The following MILR1 variants were observed in gnomAD, a reference collection of about 807,000 sequenced individuals.
The protein encoded by MILR1 is mast cell immunoglobulin like receptor 1.
Under a neutral mutation model 18.5 loss-of-function variants are expected in MILR1, and 31 were observed. That is an observed-to-expected ratio of 1.68 (90% CI 1.26 to 2.26). The LOEUF (loss-of-function observed/expected upper bound fraction) is 2.26. MILR1 is among the 30% of genes most tolerant of loss of function. The pLI is 0.00. For synonymous variants in MILR1, 85 were observed against 56.2 expected (o/e 1.51, Z -2.30); for missense variants, 257 against 157.4 (o/e 1.63, Z -3.38).
At chr17:64,481,627 C>T in the MILR1 span, among the ~76,000 whole-genome samples, 29 of 152,174 alleles carry the variant, frequency 1.9e-4, no homozygotes, top group African/African-American at 3.9e-4. Context: ...AATCCCAGCA[C>T]GTTGGGAGGC....
At chr17:64,468,862 A>G (rs2037640782), downstream of MILR1, among the ~76,000 whole-genome samples, 1 of 151,920 alleles carries the variant, frequency 6.6e-6, no homozygotes, top group Non-Finnish European at 1.5e-5. Context: ...AGGTGGGTGG[A>G]TCACTTCAGG....
At position 64,452,724 on chromosome 17, in the gene MILR1, C is replaced by T. The variant is rs1316400764; in HGVS notation, c.225C>T (p.His75=). The part of the protein sequence containing the change: ...ITYSLFRRKT[H]LGTQDGKGEP... ...ATTCATTGTTTCGACGTAAGACACA[C>T]CTGGGAACCCAGGATGGAAAAGGTG... is the stretch of plus-strand genomic sequence containing the variant. The change falls in exon 3 of 10, where the codon CAC becomes CAT. Residue 75 remains histidine (H), a synonymous_variant. Transcript: ENST00000619286. 3 of 475,152 alleles carry T rather than the reference C, an allele frequency of 6.3e-6. No homozygotes were observed. Among genetic ancestry groups the T allele is most frequent in the Non-Finnish European group, 1.2e-5 (3 of 259,026 alleles). 29.4% of individuals were successfully genotyped at this position (475,152 alleles called of 1,614,324 possible).
At chr17:64,482,876 C>T in the MILR1 span, 2 of 1,135,804 alleles carry the variant, frequency 1.8e-6, no homozygotes, top group East Asian at 2.3e-5. Context: ...TTGGATAATA[C>T]TCAATCTGTA....
intron 3 of MILR1, among the ~76,000 whole-genome samples, chr17:64,455,504 A>G (rs2037272520): frequency 2.0e-5 from 3 of 151,946 alleles, no homozygotes. Flanking sequence ...CTCAGGCTGG[A>G]GTGCAGTGGC....
the MILR1 span, chr17:64,496,376 C>T: frequency 1.3e-5 from 19 of 1,452,084 alleles, no homozygotes; most frequent in Non-Finnish European, 1.8e-5. Flanking sequence ...CACCCGACAC[C>T]TGTTTTGAAG....
chr17:64,477,905 T>A, the MILR1 span: 1 of 1,613,828 alleles, frequency 6.2e-7, no homozygotes, highest in Non-Finnish European at 8.5e-7. Context: ...CATTGTGGTG[T>A]CTCTGCTTCT....
At chr17:64,461,117 G>A (rs993703339) in intron 5 of MILR1, among the ~76,000 whole-genome samples, 185 bp downstream of exon 5, 37 of 152,172 alleles carry the variant, frequency 2.4e-4, no homozygotes, top group Non-Finnish European at 4.1e-4. Flanking sequence ...TCATGCAGAG[G>A]GTAATTCTTT....
chr17:64,485,869 C>G, the MILR1 span: 3 of 1,613,974 alleles, frequency 1.9e-6, no homozygotes, highest in Non-Finnish European at 2.5e-6. Flanking sequence ...CATCTCGGCC[C>G]TTCACAGAAA....
chr17:64,460,983 C>T (rs1299792233), intron 5 of MILR1, 51 bp downstream of exon 5: 1 of 467,600 alleles, frequency 2.1e-6, no homozygotes. Context: ...GCTTGGGATA[C>T]AGACAGCAGG....
chr17:64,485,561 GATTCT>G, the MILR1 span: 1 of 643,396 alleles, frequency 1.6e-6, no homozygotes, highest in Non-Finnish European at 2.7e-6. Context: ...GTGAGAACCT[GATTCT>G]TATTCCTGTG....
chr17:64,467,651 A>G lies in MILR1; in HGVS notation c.*28+6A>G, dbSNP rs1555663719. ...GAAACAAACTACATCTCAGGGTAAG[A>G]TGCTTTTTATGAAGCTGATTTCCAT... On this transcript the variant is annotated splice_donor_region_variant and intron_variant, in intron 9 of 9. Coordinates refer to ENST00000619286, the MANE Select transcript of MILR1 (RefSeq NM_001085423.2). The G allele has an allele frequency of 3.3e-6, 5 of 1,512,164 alleles. No individual in the cohort carries two copies. The highest frequency in any genetic ancestry group is 4.5e-6 in the Non-Finnish European group (5 of 1,107,476). 93.7% of individuals were successfully genotyped at this position (1,512,164 alleles called of 1,614,324 possible). A position where few individuals can be genotyped will look rare whatever the true frequency, so the allele number is the denominator to read the frequency against.
At chr17:64,449,406 G>T in intron 2 of MILR1, 51 bp downstream of exon 2, 1 of 430,432 alleles carries the variant, frequency 2.3e-6, no homozygotes, top group South Asian at 1.0e-4. Context: ...CTGAAGTGGT[G>T]AGACAGTCTG....
the MILR1 span, chr17:64,492,599 G>C: frequency 1.2e-6 from 1 of 860,786 alleles, no homozygotes; most frequent in East Asian, 2.6e-5. Context: ...TATGTCAGAA[G>C]AATTACCACT....
chr17:64,470,194 A>G (rs1174129065), downstream of MILR1, among the ~76,000 whole-genome samples: 1 of 152,144 alleles, frequency 6.6e-6, no homozygotes, highest in Non-Finnish European at 1.5e-5. Context: ...CCCGGGTTCA[A>G]GCGATTCTTG....
chr17:64,458,981 G>A (rs961159640), intron 4 of MILR1, among the ~76,000 whole-genome samples: 268 of 152,320 alleles, frequency 1.8e-3, no homozygotes, highest in Non-Finnish European at 3.4e-3. Flanking sequence ...TAGGGTGCAG[G>A]TCAGAGCCCA....
At chr17:64,463,819 T>C (rs1334891787) in intron 5 of MILR1, among the ~76,000 whole-genome samples, 1 of 129,394 alleles carries the variant, frequency 7.7e-6, no homozygotes, top group African/African-American at 3.1e-5. Context: ...CCTGGCTAAT[T>C]TTTTTTTTTT....
At chr17:64,485,379 C>A in the MILR1 span, 6 of 288,052 alleles carry the variant, frequency 2.1e-5, no homozygotes, top group Non-Finnish European at 3.3e-5. Context: ...TAGCACAGGT[C>A]TCCCTGATCC....
chr17:64,475,676 G>T, the MILR1 span, among the ~76,000 whole-genome samples: 5 of 148,846 alleles, frequency 3.4e-5, no homozygotes, highest in African/African-American at 1.2e-4. Flanking sequence ...AACAAAAAAA[G>T]TACTCTAGCC....
chr17:64,494,274 A>G, the MILR1 span, among the ~76,000 whole-genome samples: 1 of 152,230 alleles, frequency 6.6e-6, no homozygotes, highest in Admixed American at 6.5e-5. Flanking sequence ...CATTTTTAGC[A>G]AAATACTACA....
Sources: gnomAD v4.1 joint callset for allele counts (sites outside exome capture counted in the v4.1 genomes callset) on GRCh38, gnomAD v4.1.1 for gene constraint, MANE v1.5 for transcripts, NCBI Gene and HGNC (gene_info 2026-07-23, HGNC 2026-07-21) for gene names.